The following TBC1D23 variants were observed in gnomAD, a reference collection of about 807,000 sequenced individuals.
TBC1D23 encodes TBC1 domain family member 23, also known as HCV non-structural protein 4A-transactivated protein 1.
TBC1D23 carries 55 observed loss-of-function variants against 91.4 expected under a neutral mutation model. That is an observed-to-expected ratio of 0.60 (90% CI 0.48 to 0.75). TBC1D23 has a LOEUF of 0.75. Ranked by LOEUF, TBC1D23 falls within the 30% of genes least tolerant of loss-of-function variation. The pLI, the probability that TBC1D23 is intolerant of heterozygous loss-of-function variation, is 0.00. For missense variants in TBC1D23, 725 were observed against 836.1 expected, an observed-to-expected ratio of 0.87 and a Z score of 1.64; for synonymous variants, 289 against 281.0, an observed-to-expected ratio of 1.03 and a Z score of -0.28.
In TBC1D23 at chr3:100,294,478, C is replaced by T. The variant is rs2067820598; in HGVS notation, c.601-609C>T. On this transcript the variant is annotated intron_variant, in intron 5 of 18. Coordinates refer to ENST00000394144, the MANE Select transcript of TBC1D23 (RefSeq NM_001199198.3). ...GTTTCACTATGTTGGCCAGGTTGGT[C>T]TCAAACTCCTGACCTCAGGTGATCC... Among the ~76,000 whole-genome samples the T allele has an allele frequency of 4.6e-5, 7 of 152,142 alleles. 1 individual carries two copies. The South Asian group carries it at 1.5e-3, about 32-fold the overall frequency.
Position 100,306,485 on chromosome 3 carries a change from G to C in TBC1D23, c.1355G>C (p.Gly452Ala), listed in dbSNP as rs1342979471. 6.2e-7 allele frequency: 1 copy of C among 1,613,006 alleles called. No individual in the cohort carries two copies. Among genetic ancestry groups the C allele is most frequent in the Non-Finnish European group, 8.5e-7 (1 of 1,179,130 alleles). Residue 452 changes from glycine to alanine, a missense_variant, in exon 13 of 19, where the codon GGA becomes GCA. By Grantham distance (60) the Gly-to-Ala change is moderately conservative. Transcript: ENST00000394144. ...ADINVDGPEN[G>A]YGHWIASTSG... Reference sequence around the variant, plus strand: ...ATTAATGTGGATGGACCAGAAAATGGATATGGCCATTGGATTGCTAGTACC... The same window carrying C: ...ATTAATGTGGATGGACCAGAAAATGCATATGGCCATTGGATTGCTAGTACC...
intron 11 of TBC1D23, among the ~76,000 whole-genome samples, chr3:100,303,892 T>A (rs1273939877): frequency 6.6e-6 from 1 of 152,186 alleles, no homozygotes; most frequent in Non-Finnish European, 1.5e-5. Context: ...CTTTATGTGG[T>A]TTTATACATT....
At chr3:100,281,911 C>A in intron 3 of TBC1D23, 64 bp downstream of exon 3, 2 of 915,130 alleles carry the variant, frequency 2.2e-6, no homozygotes, top group South Asian at 1.6e-5. Flanking sequence ...GTTGAGGAAT[C>A]ACTCTTCAGA....
At chr3:100,270,868 T>G (rs1232842049) in intron 1 of TBC1D23, among the ~76,000 whole-genome samples, 1 of 152,180 alleles carries the variant, frequency 6.6e-6, no homozygotes, top group Non-Finnish European at 1.5e-5. Flanking sequence ...TTAATTTTTT[T>G]TAATGTGGTA....
chr3:100,311,883 C>G lies in TBC1D23; in HGVS notation c.1598+6C>G, dbSNP rs1705631895. ...GACAGATCATGTACAGAGCGGTAAG[C>G]CAATGAGTAGAGCATTTTTCTTGAA... is the stretch of plus-strand genomic sequence containing the variant. On this transcript the variant is annotated splice_donor_region_variant and intron_variant, in intron 15 of 18. Transcript: ENST00000394144. 1 of 1,528,854 alleles carries G rather than the reference C, an allele frequency of 6.5e-7. No individual in the cohort carries two copies. Among genetic ancestry groups the G allele is most frequent in the African/African-American group, 1.4e-5 (1 of 72,818 alleles). The allele number at this position is 1,528,854 out of a possible 1,614,324, so 94.7% of individuals were successfully genotyped here.
At chr3:100,299,201 G>T in intron 9 of TBC1D23, 38 bp from the exon 10 acceptor site, 1 of 1,382,686 alleles carries the variant, frequency 7.2e-7, no homozygotes, top group South Asian at 1.2e-5. Flanking sequence ...TGAACCTCAT[G>T]GGAAATTCCT....
rs1256724544 is a variant in TBC1D23 at position 100,311,876 on chromosome 3, C to T, written c.1597C>T (p.Arg533Trp). The change falls in exon 15 of 19, where the codon CGG (arginine) becomes TGG (tryptophan). Residue 533 changes from arginine to tryptophan, a missense_variant and splice_region_variant. Coordinates refer to ENST00000394144, the MANE Select transcript of TBC1D23 (RefSeq NM_001199198.3). ...TTGGCCAGACAGATCATGTACAGAG[C>T]GGTAAGCCAATGAGTAGAGCATTTT... ...LPWPDRSCTE[R>W]HVSSSDRVGK... 6.5e-6 allele frequency: 10 copies of T among 1,532,472 alleles called. No homozygotes were observed. The highest frequency in any genetic ancestry group is 2.0e-5 in the Admixed American group (1 of 50,972). The allele number at this position is 1,532,472 out of a possible 1,614,324, so 94.9% of individuals were successfully genotyped here. A position where few individuals can be genotyped will look rare whatever the true frequency, so the allele number is the denominator to read the frequency against.
chr3:100,289,992 C>T (rs971900570), intron 4 of TBC1D23, among the ~76,000 whole-genome samples: 10 of 152,106 alleles, frequency 6.6e-5, no homozygotes, highest in African/African-American at 2.4e-4. Flanking sequence ...CATTCAGATC[C>T]AATTTTTCCA....
intron 15 of TBC1D23, among the ~76,000 whole-genome samples, chr3:100,314,609 A>T (rs1180838557): frequency 2.0e-5 from 3 of 152,062 alleles, no homozygotes; most frequent in East Asian, 3.8e-4. Context: ...CTGAAAAAAT[A>T]AAAAAATTAG....
chr3:100,303,173 G>T (rs951718326), intron 11 of TBC1D23, among the ~76,000 whole-genome samples: 1 of 152,072 alleles, frequency 6.6e-6, no homozygotes, highest in Admixed American at 6.6e-5. Context: ...GGCAGTTTAT[G>T]TATTAAAGTC....
chr3:100,323,349 C>T (rs1000140859), intron 18 of TBC1D23, among the ~76,000 whole-genome samples: 1 of 152,116 alleles, frequency 6.6e-6, no homozygotes, highest in Non-Finnish European at 1.5e-5. Context: ...TAGCTTTACA[C>T]TATATGAAAA....
chr3:100,283,388 T>C (rs1417500899), intron 3 of TBC1D23, among the ~76,000 whole-genome samples: 1 of 151,388 alleles, frequency 6.6e-6, no homozygotes, highest in Non-Finnish European at 1.5e-5. Context: ...AAAAAAAGGC[T>C]GTTATAAAGC....
chr3:100,304,985 G>C, intron 12 of TBC1D23, 97 bp downstream of exon 12: 1 of 673,778 alleles, frequency 1.5e-6, no homozygotes, highest in Non-Finnish European at 2.6e-6. Context: ...ATTAGTTAAA[G>C]GGTAGACTCT....
At chr3:100,301,217 G>C (rs1290908577) in intron 10 of TBC1D23, among the ~76,000 whole-genome samples, 1 of 148,738 alleles carries the variant, frequency 6.7e-6, no homozygotes, top group Non-Finnish European at 1.5e-5. Context: ...AGGTTGCGGT[G>C]AGCCGAGATC....
In TBC1D23 at chr3:100,317,379, C is replaced by G. The variant is rs559137692; in HGVS notation, c.1687+1192C>G. 3.3e-5 allele frequency among the ~76,000 whole-genome samples: 5 copies of G among 152,244 alleles called. No individual in the cohort carries two copies. In the East Asian group the frequency reaches 9.7e-4, roughly 29 times the overall value. Reference sequence around the variant, plus strand: ...CCTTCTATCATATAAACATACCATACTTTATTTAGTCAGTCTTCCAGTTGA... The same window carrying G: ...CCTTCTATCATATAAACATACCATAGTTTATTTAGTCAGTCTTCCAGTTGA... On this transcript the variant is annotated intron_variant, in intron 16 of 18. Transcript: ENST00000394144.
chr3:100,266,761 C>G (rs1180420614), intron 1 of TBC1D23, among the ~76,000 whole-genome samples: 1 of 152,166 alleles, frequency 6.6e-6, no homozygotes, highest in Non-Finnish European at 1.5e-5. Context: ...GTGAGCAATT[C>G]AGAGCACCCA....
chr3:100,305,827 G>A (rs1388548493), intron 12 of TBC1D23, among the ~76,000 whole-genome samples: 1 of 152,154 alleles, frequency 6.6e-6, no homozygotes, highest in Non-Finnish European at 1.5e-5. Flanking sequence ...TGTTAAACAT[G>A]TATTGGCCCT....
intron 1 of TBC1D23, among the ~76,000 whole-genome samples, chr3:100,274,394 A>T (rs1276713644): frequency 6.6e-6 from 1 of 152,232 alleles, no homozygotes; most frequent in Non-Finnish European, 1.5e-5. Context: ...AATACGTTAA[A>T]TAGAGTTGAT....
chr3:100,287,864 C>A (rs1268236136), intron 4 of TBC1D23, among the ~76,000 whole-genome samples: 1 of 151,818 alleles, frequency 6.6e-6, no homozygotes, highest in Non-Finnish European at 1.5e-5. Context: ...AGTGATCCTC[C>A]CTCCTCAGCC....
Sources: allele counts gnomAD v4.1 joint callset (sites outside exome capture counted in the v4.1 genomes callset), GRCh38; gene constraint gnomAD v4.1.1; transcripts MANE v1.5; gene names NCBI Gene and HGNC (gene_info 2026-07-23, HGNC 2026-07-21).